Variants in LRRC9 observed in about 807,000 individuals in gnomAD.
LRRC9 encodes leucine rich repeat containing 9, also known as leucine-rich repeat-containing protein 9.
In LRRC9, 122 loss-of-function variants were observed where a neutral mutation model predicts 63.2. The observed-to-expected ratio is 1.93, with a 90% CI of 1.67 to 2.24. LRRC9 has a LOEUF of 2.24. Among genes scored for constraint, LRRC9 ranks in the 30% most tolerant of loss-of-function variants. The pLI is 0.00. For missense variants in LRRC9, 1,071 were observed against 627.7 expected, an observed-to-expected ratio of 1.71 and a Z score of -7.55; for synonymous variants, 366 against 213.1, an observed-to-expected ratio of 1.72 and a Z score of -6.25.
intron 16 of LRRC9, among the ~76,000 whole-genome samples, chr14:59,983,087 C>G (rs1303596067): frequency 1.3e-5 from 2 of 152,226 alleles, no homozygotes; most frequent in South Asian, 4.1e-4. Context: ...TGCTACCACT[C>G]TATCCAAACT....
At chr14:60,045,346 A>C (rs1176254439) in intron 29 of LRRC9, among the ~76,000 whole-genome samples, 1 of 152,100 alleles carries the variant, frequency 6.6e-6, no homozygotes, top group East Asian at 1.9e-4. Context: ...ATGCCATGGT[A>C]GTTTGCTGCA....
In LRRC9 at chr14:60,060,897, T is replaced by A. The variant is rs562570985; in HGVS notation, c.4277-2426T>A. On this transcript the variant is annotated intron_variant, in intron 31 of 31. Transcript: ENST00000445360. The surrounding 1 kb of genome is among the most constrained non-coding windows in gnomAD (Gnocchi z 4.0). ...ATAGCAACCCTAATGGGAGTTTGGA[T>A]GACTTTGAGGGGTTCAGGACTTCAG... 2.6e-5 allele frequency among the ~76,000 whole-genome samples: 4 copies of A among 152,146 alleles called. No homozygotes were observed. The highest frequency in any genetic ancestry group is 9.7e-5 in the African/African-American group (4 of 41,434).
At chr14:59,951,651 G>C (rs1883134565) in intron 8 of LRRC9, among the ~76,000 whole-genome samples, 1 of 147,330 alleles carries the variant, frequency 6.8e-6, no homozygotes, top group Non-Finnish European at 1.5e-5. Context: ...GGTCTTTGAT[G>C]ATGGTGATGT....
chr14:59,989,988 C>T (rs1025785439), intron 17 of LRRC9, among the ~76,000 whole-genome samples: 9 of 146,820 alleles, frequency 6.1e-5, no homozygotes, highest in Admixed American at 1.4e-4. Flanking sequence ...AGTGCAGTGG[C>T]GCAATCTCGG....
rs78737817 is a variant in LRRC9, at chr14:60,058,234, C to A, written c.4276+212C>A. On this transcript the variant is annotated intron_variant, in intron 31 of 31. Transcript: ENST00000445360. The surrounding 1 kb of genome is among the most constrained non-coding windows in gnomAD (Gnocchi z 4.4). ...TTATAGCTTTTTTTGTACTCAGCTA[C>A]TAGCATGTTGTGACTAAACATTTGC... is the stretch of plus-strand genomic sequence containing the variant. Among the ~76,000 whole-genome samples, 831 of 152,220 alleles carry A rather than the reference C, an allele frequency of 5.5e-3. 9 individuals carry two copies. Among genetic ancestry groups the A allele is most frequent in the African/African-American group, 0.019 (799 of 41,552 alleles).
rs1052649713 is a variant in LRRC9, at chr14:59,974,558, T to C, written c.1507-18T>C. 2.7e-5 allele frequency: 17 copies of C among 631,488 alleles called. No homozygotes were observed. Among genetic ancestry groups the C allele is most frequent in the Non-Finnish European group, 4.2e-5 (15 of 354,174 alleles). 39.1% of individuals were successfully genotyped at this position (631,488 alleles called of 1,614,324 possible). ...GTCAATTTTATAAAAATACTCAGAC[T>C]TTGTTTTTTCTTTGCAGCTGCCTCT... On this transcript the variant is annotated intron_variant, in intron 12 of 31. Transcript: ENST00000445360.
chr14:59,921,463 A>G (rs1888768856), intron 1 of LRRC9, among the ~76,000 whole-genome samples: 1 of 152,124 alleles, frequency 6.6e-6, no homozygotes, highest in Non-Finnish European at 1.5e-5. Context: ...GGAGGAGGAA[A>G]AAAAATGTGG....
At chr14:59,955,038 G>C (rs926146637) in intron 8 of LRRC9, among the ~76,000 whole-genome samples, 12 of 152,116 alleles carry the variant, frequency 7.9e-5, no homozygotes, top group Admixed American at 5.9e-4. Flanking sequence ...TGCTGGATTT[G>C]GTTTGCCAGT....
chr14:60,003,480 A>G lies in LRRC9; in HGVS notation c.2665-141A>G. ...TACTTTTCTGTAAACTGACAGCTTC[A>G]CAATATCTTTAGCTCCTGAAGGAAT... is the stretch of plus-strand genomic sequence containing the variant. On this transcript the variant is annotated intron_variant, in intron 20 of 31. Coordinates refer to ENST00000445360, the Ensembl canonical transcript of LRRC9. This position sits in a 1 kb window ranked among gnomAD's most constrained non-coding sequence, Gnocchi z 4.2. 1 of 538,094 alleles carries G rather than the reference A, an allele frequency of 1.9e-6. No individual in the cohort carries two copies. The highest frequency in any genetic ancestry group is 3.1e-5 in the East Asian group (1 of 32,192). The allele number at this position is 538,094 out of a possible 1,614,324, so 33.3% of individuals were successfully genotyped here. A position where few individuals can be genotyped will look rare whatever the true frequency, so the allele number is the denominator to read the frequency against.
At chr14:60,047,438 C>T (rs192513282) in intron 29 of LRRC9, among the ~76,000 whole-genome samples, 3 of 151,722 alleles carry the variant, frequency 2.0e-5, no homozygotes, top group Admixed American at 2.0e-4. Flanking sequence ...CACATAGGCT[C>T]AAAACAAAGG....
At chr14:60,062,516 C>T (rs183689816) in intron 31 of LRRC9, among the ~76,000 whole-genome samples, 1 of 152,328 alleles carries the variant, frequency 6.6e-6, no homozygotes, top group East Asian at 1.9e-4. Flanking sequence ...ACTCTACTCA[C>T]TGAATTTGCA....
chr14:59,984,487 A>G (rs1887251332), intron 16 of LRRC9, among the ~76,000 whole-genome samples: 1 of 152,234 alleles, frequency 6.6e-6, no homozygotes, highest in South Asian at 2.1e-4. Flanking sequence ...AGAAAAACAT[A>G]TAGGCATCAG....
intron 23 of LRRC9, among the ~76,000 whole-genome samples, chr14:60,008,563 A>C (rs1244221745): frequency 6.6e-6 from 1 of 152,194 alleles, no homozygotes; most frequent in Non-Finnish European, 1.5e-5. Context: ...TTCTATTTTC[A>C]GTGCAAATAT....
At chr14:60,028,504 A>G (rs952962010) in intron 28 of LRRC9, among the ~76,000 whole-genome samples, 1 of 152,050 alleles carries the variant, frequency 6.6e-6, no homozygotes, top group Non-Finnish European at 1.5e-5. Flanking sequence ...CTGATAATGG[A>G]CTTTGACTTG....
intron 23 of LRRC9, among the ~76,000 whole-genome samples, chr14:60,012,294 G>A (rs1473476862): frequency 2.0e-5 from 3 of 152,234 alleles, no homozygotes; most frequent in Admixed American, 6.5e-5. Context: ...GGGCACCTGA[G>A]CCTCATTCTC....
At chr14:59,946,284 A>G (rs1429065995) in intron 8 of LRRC9, among the ~76,000 whole-genome samples, 1 of 150,726 alleles carries the variant, frequency 6.6e-6, no homozygotes, top group African/African-American at 2.4e-5. Context: ...TTAAAGTAAA[A>G]CATTAATAAA....
Position 59,930,015 on chromosome 14 carries a change from C to T in LRRC9, c.268-903C>T, listed in dbSNP as rs1383544578. Among the ~76,000 whole-genome samples, 1 of 151,968 alleles carries T rather than the reference C, an allele frequency of 6.6e-6. No homozygotes were observed. The highest frequency in any genetic ancestry group is 6.6e-5 in the Admixed American group (1 of 15,234). ...TAAAGTAATCTGTACAACAAACCCC[C>T]ATGACAGAAATTTACCTAAATAACA... On this transcript the variant is annotated intron_variant, in intron 3 of 31. Coordinates refer to ENST00000445360, the Ensembl canonical transcript of LRRC9. This position sits in a 1 kb window ranked among gnomAD's most constrained non-coding sequence, Gnocchi z 4.9.
At chr14:60,008,246 C>T (rs1457636498) in intron 23 of LRRC9, 32 bp downstream of exon 23, 1 of 687,552 alleles carries the variant, frequency 1.5e-6, no homozygotes, top group African/African-American at 1.8e-5. Context: ...AACATTTGGT[C>T]TAAGCTGCAT....
intron 29 of LRRC9, among the ~76,000 whole-genome samples, chr14:60,038,641 G>C (rs1033363891): frequency 3.9e-5 from 6 of 152,180 alleles, no homozygotes; most frequent in African/African-American, 1.2e-4. Context: ...TGCTGAAGTT[G>C]CTTATCAGCT....
Sources: allele counts gnomAD v4.1 joint callset (sites outside exome capture counted in the v4.1 genomes callset), GRCh38; gene constraint gnomAD v4.1.1; non-coding constraint Gnocchi (gnomAD v3.1); transcripts MANE v1.5; gene names NCBI Gene and HGNC (gene_info 2026-07-23, HGNC 2026-07-21).